The following CEP128 variants were observed in gnomAD, a reference collection of about 807,000 sequenced individuals.
The protein encoded by CEP128 is centrosomal protein 128, also known as centrosomal protein 128kDa.
Under a neutral mutation model 156.7 loss-of-function variants are expected in CEP128, and 132 were observed. The ratio of observed to expected loss-of-function variants is 0.84; its 90% CI spans 0.73 to 0.97. The LOEUF is 0.97. CEP128 is among the 50% of genes least tolerant of loss of function. The pLI is 0.00. For missense variants in CEP128, 1,252 were observed against 1,281.9 expected, an observed-to-expected ratio of 0.98 and a Z score of 0.36; for synonymous variants, 469 against 448.9, an observed-to-expected ratio of 1.04 and a Z score of -0.57.
chr14:80,947,655 A>T (rs1453304465), intron 2 of CEP128, among the ~76,000 whole-genome samples: 1 of 152,182 alleles, frequency 6.6e-6, no homozygotes, highest in African/African-American at 2.4e-5. Context: ...AATGATTTGG[A>T]AGGAAATACC....
intron 2 of CEP128, chr14:80,955,635 G>A: frequency 3.1e-6 from 5 of 1,611,414 alleles, no homozygotes; most frequent in South Asian, 1.1e-5. Context: ...AGCTGAGAAT[G>A]AGGCGATTTC....
Position 80,743,080 on chromosome 14 carries a change from T to G in CEP128, c.2801A>C (p.Lys934Thr). The stretch of plus-strand genomic sequence containing the variant: ...AAAGAACAACTAACACACACCTCTC[T>G]TCTCACGATGTATTTCATCCAGAAG... Reference protein sequence around the residue: ...EQLLDEIHREKRDLLEETQRK... With the variant: ...EQLLDEIHRETRDLLEETQRK... Residue 934 changes from lysine (K) to threonine (T), a missense_variant, in exon 19 of 25, where the codon AAG (lysine) becomes ACG (threonine). By Grantham distance (78) the Lys-to-Thr change is moderately conservative (BLOSUM62 -1). Coordinates refer to ENST00000555265, the MANE Select transcript of CEP128 (RefSeq NM_152446.5). 1 of 1,613,124 alleles carries G rather than the reference T, an allele frequency of 6.2e-7. No individual in the cohort carries two copies. Among genetic ancestry groups the G allele is most frequent in the Admixed American group, 1.7e-5 (1 of 59,982 alleles).
At chr14:80,477,608 A>T (rs1886966675) in exon 15 of CEP128, 1 of 152,236 alleles carries the variant, frequency 6.6e-6, no homozygotes, top group African/African-American at 2.4e-5. Context: ...AATGAGTGGA[A>T]CTAAAAGGCC....
intron 24 of CEP128, among the ~76,000 whole-genome samples, chr14:80,502,414 G>A (rs763166736): frequency 4.6e-5 from 7 of 152,188 alleles, no homozygotes; most frequent in Non-Finnish European, 1.0e-4. Context: ...CTGGCCTCTT[G>A]TTCTGTTTTC....
intron 23 of CEP128, among the ~76,000 whole-genome samples, chr14:80,510,546 AC>A (rs1888197257): frequency 6.6e-6 from 1 of 152,076 alleles, no homozygotes; most frequent in African/African-American, 2.4e-5. Context: ...TCATCAGCAA[AC>A]AAGAATAATT....
chr14:80,761,981 T>C (rs1899993959), intron 16 of CEP128, among the ~76,000 whole-genome samples: 1 of 152,124 alleles, frequency 6.6e-6, no homozygotes, highest in Admixed American at 6.5e-5. Context: ...CACTGAACAT[T>C]AGTAAAACAC....
intron 19 of CEP128, among the ~76,000 whole-genome samples, chr14:80,740,954 T>G (rs972218294): frequency 4.0e-5 from 6 of 151,840 alleles, no homozygotes; most frequent in Admixed American, 3.9e-4. Flanking sequence ...TCCAGAAGAG[T>G]ATAGCACCTA....
intron 19 of CEP128, among the ~76,000 whole-genome samples, chr14:80,710,029 C>A (rs2590485): frequency 0.52 from 78,868 of 150,928 alleles, 20,851 homozygotes; most frequent in East Asian, 0.72. Context: ...TTGTTTTGTA[C>A]CCTGTTTTTG....
intron 18 of CEP128, among the ~76,000 whole-genome samples, chr14:80,747,917 G>GGC (rs1899187725): frequency 6.6e-6 from 1 of 152,208 alleles, no homozygotes; most frequent in Non-Finnish European, 1.5e-5. Flanking sequence ...TACTTGAGGT[G>GGC]ATGAAAGTGT....
At chr14:80,958,766 T>C (rs954487811) in intron 1 of CEP128, among the ~76,000 whole-genome samples, 1 of 152,172 alleles carries the variant, frequency 6.6e-6, no homozygotes, top group Non-Finnish European at 1.5e-5. Context: ...TGGTGACCTC[T>C]TTTTGGAATC....
chr14:80,925,059 A>G (rs1885074206), intron 2 of CEP128, among the ~76,000 whole-genome samples: 1 of 152,218 alleles, frequency 6.6e-6, no homozygotes, highest in Non-Finnish European at 1.5e-5. Flanking sequence ...CAATGAAAAG[A>G]AAGAGCTTTT....
chr14:80,596,842 A>AAAAAAG (rs1555379468), intron 19 of CEP128, among the ~76,000 whole-genome samples: 29 of 69,894 alleles, frequency 4.1e-4, no homozygotes, highest in Non-Finnish European at 6.1e-4. Context: ...AAAAAAAAAA[A>AAAAAAG]GGTGGGGGGG....
intron 13 of CEP128, among the ~76,000 whole-genome samples, chr14:80,797,239 G>A (rs182136201): frequency 8.5e-5 from 13 of 152,250 alleles, no homozygotes; most frequent in East Asian, 1.9e-4. Context: ...CAGAGCTTAC[G>A]CAGGCAAACT....
chr14:80,490,117 T>G (rs537701703), downstream of CEP128, among the ~76,000 whole-genome samples: 2 of 152,186 alleles, frequency 1.3e-5, no homozygotes, highest in South Asian at 4.1e-4. Context: ...CAATTATATT[T>G]AAGGGGGGTA....
chr14:80,736,207 TAC>T (rs1051974201), intron 19 of CEP128, among the ~76,000 whole-genome samples: 1 of 151,538 alleles, frequency 6.6e-6, no homozygotes, highest in Non-Finnish European at 1.5e-5. Context: ...AGTCAAAATG[TAC>T]ACAGTTTCCA....
chr14:80,742,682 C>G (rs1898893016), intron 19 of CEP128: 1 of 165,660 alleles, frequency 6.0e-6, no homozygotes, highest in Admixed American at 6.0e-5. Flanking sequence ...TTTTTTTCTC[C>G]CCCTGCTTTA....
At chr14:80,654,985 C>G (rs1895068441) in intron 19 of CEP128, among the ~76,000 whole-genome samples, 1 of 152,134 alleles carries the variant, frequency 6.6e-6, no homozygotes, top group Non-Finnish European at 1.5e-5. Flanking sequence ...CTCCAAGTAT[C>G]ATAACTCTCA....
rs375376860 is a variant in CEP128 at position 80,916,434 on chromosome 14, G to A, written c.114C>T (p.Thr38=). The change falls in exon 3 of 25, where the codon ACC becomes ACT. Residue 38 remains threonine, a synonymous_variant. Coordinates refer to ENST00000555265, the MANE Select transcript of CEP128 (RefSeq NM_152446.5). ...GTRSLPTVEV[T]EKVNTITSTL... is the part of the protein sequence containing the mutation. ...TACTTGTTATAGTGTTGACCTTCTC[G>A]GTAACTTCTACTGTAGGAAGACTTC... 1.1e-4 allele frequency: 182 copies of A among 1,613,680 alleles called. No individual in the cohort carries two copies. Among genetic ancestry groups the A allele is most frequent in the Non-Finnish European group, 1.5e-4 (173 of 1,179,864 alleles).
At position 80,895,795 on chromosome 14, in the gene CEP128, G is replaced by GAAGAA; in HGVS notation, c.573-10_573-6dup. On this transcript the variant is annotated splice_region_variant and splice_polypyrimidine_tract_variant and intron_variant, in intron 7 of 24. Coordinates refer to ENST00000555265, the MANE Select transcript of CEP128 (RefSeq NM_152446.5). ...CTTTTTGTTTCGGCATCTGACCTAG[G>GAAGAA]AAGAAAAAAAAAAAAAAGATTTAAA... The GAAGAA allele has an allele frequency of 9.4e-7, 1 of 1,058,222 alleles. No individual in the cohort carries two copies. The highest frequency in any genetic ancestry group is 1.2e-6 in the Non-Finnish European group (1 of 832,688). 65.6% of individuals were successfully genotyped at this position (1,058,222 alleles called of 1,614,324 possible). A position where few individuals can be genotyped will look rare whatever the true frequency, so the allele number is the denominator to read the frequency against.
Sources: allele counts gnomAD v4.1 joint callset (sites outside exome capture counted in the v4.1 genomes callset), GRCh38; gene constraint gnomAD v4.1.1; transcripts MANE v1.5; gene names NCBI Gene and HGNC (gene_info 2026-07-23, HGNC 2026-07-21).